PDE4D: variants seen among roughly 807,000 people sequenced by gnomAD.
The protein encoded by PDE4D is phosphodiesterase 4D.
A neutral mutation model predicts 87.4 loss-of-function variants in PDE4D; 24 were observed. The ratio of observed to expected loss-of-function variants is 0.27; its 90% CI spans 0.20 to 0.39. PDE4D has a LOEUF of 0.39. PDE4D is among the 10% of genes least tolerant of loss of function. The pLI, the probability that PDE4D is intolerant of heterozygous loss-of-function variation, is 1.00. For synonymous variants in PDE4D, 384 were observed against 383.2 expected (o/e 1.00, Z -0.02); for missense variants, 714 against 1,041.0 (o/e 0.69, Z 4.32).
At chr5:60,239,157 G>A (rs761019411) in intron 1 of PDE4D, among the ~76,000 whole-genome samples, 4 of 151,878 alleles carry the variant, frequency 2.6e-5, no homozygotes, top group Non-Finnish European at 4.4e-5. Flanking sequence ...ATTATATGTT[G>A]TAAGAAAGGG....
At chr5:59,256,586 C>A (rs1370541581) in intron 1 of PDE4D, among the ~76,000 whole-genome samples, 1 of 152,004 alleles carries the variant, frequency 6.6e-6, no homozygotes, top group Non-Finnish European at 1.5e-5. Context: ...CAGCAGTAAA[C>A]CTGGTAAAAT....
At chr5:59,177,533 T>C (rs1172396539) in intron 5 of PDE4D, among the ~76,000 whole-genome samples, 1 of 152,224 alleles carries the variant, frequency 6.6e-6, no homozygotes, top group Non-Finnish European at 1.5e-5. Flanking sequence ...GGAAGCAGTG[T>C]CACTATTTTA....
chr5:60,518,352 T>A lies in PDE4D; in HGVS notation n.70+3699A>T, dbSNP rs183804870. On this transcript the variant is annotated intron_variant and non_coding_transcript_variant, in intron 1 of 2. Transcript: ENST00000506510. ...CAAAGGCACCATTAGCCACAAAGGT[T>A]TCTGGCTGGCAAAGCAACACCCCAA... 9.8e-4 allele frequency among the ~76,000 whole-genome samples: 149 copies of A among 152,334 alleles called. 2 individuals carry two copies. The highest frequency in any genetic ancestry group is 3.6e-3 in the African/African-American group (148 of 41,572).
chr5:60,325,474 A>G (rs748140468), intron 1 of PDE4D, among the ~76,000 whole-genome samples: 9 of 152,338 alleles, frequency 5.9e-5, no homozygotes, highest in Non-Finnish European at 1.2e-4. Context: ...CCTTAATGGA[A>G]AGCAGAGGCA....
chr5:58,975,624 TTC>T lies in PDE4D; in HGVS notation c.2013+31_2013+32del. The T allele has an allele frequency of 2.7e-6, 4 of 1,461,994 alleles. No homozygotes were observed. Among genetic ancestry groups the T allele is most frequent in the Middle Eastern group, 1.8e-4 (1 of 5,532 alleles). 90.6% of individuals were successfully genotyped at this position (1,461,994 alleles called of 1,614,324 possible). ...ACCAAATGCTAAAGCGGTAGCTCTG[TTC>T]TCTCTGAAAGCTATACACTTCATGC... On this transcript the variant is annotated intron_variant, in intron 14 of 14. Transcript: ENST00000340635. The surrounding 1 kb of genome is among the most constrained non-coding windows in gnomAD (Gnocchi z 4.2).
chr5:59,651,418 GTTCT>G (rs755237521), intron 1 of PDE4D, among the ~76,000 whole-genome samples: 8 of 151,518 alleles, frequency 5.3e-5, no homozygotes, highest in Non-Finnish European at 1.0e-4. Flanking sequence ...CTCAATAAAT[GTTCT>G]TTATTTTTTC....
At chr5:59,743,696 C>T (rs1340635059) in intron 1 of PDE4D, among the ~76,000 whole-genome samples, 2 of 152,104 alleles carry the variant, frequency 1.3e-5, no homozygotes, top group East Asian at 1.9e-4. Context: ...AAAGCAGGCT[C>T]TTAAAGAGAC....
intron 1 of PDE4D, among the ~76,000 whole-genome samples, chr5:59,655,510 T>A (rs1419823449): frequency 6.6e-6 from 1 of 152,212 alleles, no homozygotes; most frequent in Admixed American, 6.5e-5. Context: ...TTGTAATTGT[T>A]TACAACTTAT....
At chr5:59,716,306 T>C (rs534812571) in intron 1 of PDE4D, among the ~76,000 whole-genome samples, 1 of 152,344 alleles carries the variant, frequency 6.6e-6, no homozygotes, top group South Asian at 2.1e-4. Flanking sequence ...CATCTTGCGC[T>C]CATGGCTCAT....
chr5:59,525,340 T>C (rs1331476815), intron 1 of PDE4D, among the ~76,000 whole-genome samples: 2 of 152,236 alleles, frequency 1.3e-5, no homozygotes, highest in Admixed American at 1.3e-4. Flanking sequence ...GACTGCCCTA[T>C]TGGATTTTGG....
rs898095544 is a variant in PDE4D, at chr5:60,189,863, A to G, written c.-89-4176T>C. Among the ~76,000 whole-genome samples the G allele has an allele frequency of 5.9e-5, 9 of 152,214 alleles. 1 individual carries two copies. The highest frequency in any genetic ancestry group is 5.9e-5 in the Non-Finnish European group (4 of 68,030). ...AACAAACTTTCTTGATGCAAAGGGAAAGAATTGTTTGGGTACAGTTGCCTC... is the reference window on the plus strand; with the variant it reads ...AACAAACTTTCTTGATGCAAAGGGAGAGAATTGTTTGGGTACAGTTGCCTC... On this transcript the variant is annotated intron_variant, in intron 1 of 16. Coordinates refer to the PDE4D transcript ENST00000502484.
intron 2 of PDE4D, among the ~76,000 whole-genome samples, chr5:60,027,865 A>G (rs984752752): frequency 6.6e-6 from 1 of 152,220 alleles, no homozygotes; most frequent in African/African-American, 2.4e-5. Context: ...GAAATGTTGC[A>G]TTTTGAACTG....
intron 3 of PDE4D, among the ~76,000 whole-genome samples, chr5:59,911,620 C>A (rs1255805298): frequency 6.6e-6 from 1 of 152,150 alleles, no homozygotes; most frequent in Non-Finnish European, 1.5e-5. Flanking sequence ...TCTGTCTGGG[C>A]AGGAGGCAAA....
At chr5:59,231,001 TG>T (rs1453555174) in intron 1 of PDE4D, among the ~76,000 whole-genome samples, 1 of 152,196 alleles carries the variant, frequency 6.6e-6, no homozygotes, top group Non-Finnish European at 1.5e-5. Context: ...AAAAAAGATA[TG>T]TCTCATTATG....
intron 1 of PDE4D, among the ~76,000 whole-genome samples, chr5:59,401,234 G>C (rs548065186): frequency 1.3e-5 from 2 of 152,280 alleles, no homozygotes; most frequent in Admixed American, 1.3e-4. Flanking sequence ...CATTTGAGAA[G>C]AGGAGTTCAA....
At chr5:59,187,405 A>C (rs1743163904) in intron 3 of PDE4D, among the ~76,000 whole-genome samples, 1 of 152,212 alleles carries the variant, frequency 6.6e-6, no homozygotes, top group African/African-American at 2.4e-5. Flanking sequence ...GATAAAAATC[A>C]AAATTATTAT....
intron 1 of PDE4D, among the ~76,000 whole-genome samples, chr5:59,603,786 A>G (rs1827830588): frequency 6.6e-6 from 1 of 152,008 alleles, no homozygotes. Flanking sequence ...TATTGATCAA[A>G]GGAAACAAAA....
At chr5:59,291,738 G>GTTTTT (rs57769300) in intron 1 of PDE4D, among the ~76,000 whole-genome samples, 1 of 125,576 alleles carries the variant, frequency 8.0e-6, no homozygotes, top group Admixed American at 8.8e-5. Flanking sequence ...GTAAAAAGAA[G>GTTTTT]TTTTTTTTTT....
intron 1 of PDE4D, among the ~76,000 whole-genome samples, chr5:59,328,642 T>C (rs1010335607): frequency 1.3e-5 from 2 of 152,208 alleles, no homozygotes; most frequent in Non-Finnish European, 2.9e-5. Context: ...AGTGCCTTGG[T>C]ACATGTGTGG....
Sources: gnomAD v4.1 joint callset for allele counts (sites outside exome capture counted in the v4.1 genomes callset) on GRCh38, gnomAD v4.1.1 for gene constraint, Gnocchi (gnomAD v3.1) non-coding constraint, MANE v1.5 for transcripts, NCBI Gene and HGNC (gene_info 2026-07-23, HGNC 2026-07-21) for gene names.